NLGN4X: variants seen among roughly 807,000 people sequenced by gnomAD.
NLGN4X encodes the protein neuroligin-4, X-linked.
In NLGN4X, 3 loss-of-function variants were observed where a neutral mutation model predicts 40.3. That is an observed-to-expected ratio of 0.07 (90% CI 0.03 to 0.19). NLGN4X has a LOEUF of 0.19. NLGN4X is among the 10% of genes least tolerant of loss of function. The pLI, the probability that NLGN4X is intolerant of heterozygous loss-of-function variation, is 1.00. For missense variants in NLGN4X, 382 were observed against 708.3 expected, an observed-to-expected ratio of 0.54 and a Z score of 5.23; for synonymous variants, 270 against 306.8, an observed-to-expected ratio of 0.88 and a Z score of 1.25.
chrX:5,980,109 G>A (rs1433034843), intron 3 of NLGN4X, among the ~76,000 whole-genome samples: 3 of 105,597 alleles, frequency 2.8e-5, no homozygotes, highest in African/African-American at 1.0e-4. Flanking sequence ...TTTATATATA[G>A]TATACAATAC....
intron 2 of NLGN4X, among the ~76,000 whole-genome samples, chrX:6,089,902 T>C (rs11796302): frequency 0.48 from 52,719 of 110,418 alleles, 9,157 homozygotes; most frequent in Admixed American, 0.52. Context: ...CTATGTGAAA[T>C]GAAAAAGATA....
At chrX:6,021,039 T>C (rs866984432) in intron 3 of NLGN4X, among the ~76,000 whole-genome samples, 15 of 30,664 alleles carry the variant, frequency 4.9e-4, no homozygotes, top group Non-Finnish European at 6.3e-4. Flanking sequence ...TCTCTCTCTC[T>C]CTCTCTCTCC....
intron 2 of NLGN4X, among the ~76,000 whole-genome samples, chrX:6,121,179 C>CACAT (rs560379115): frequency 2.2e-5 from 2 of 89,353 alleles, no homozygotes; most frequent in African/African-American, 8.1e-5. Flanking sequence ...CACACACACA[C>CACAT]ATATATATCG....
Position 5,893,015 on chromosome X carries a change from T to C in NLGN4X, c.2253A>G (p.Thr751=), listed in dbSNP as rs1300662045. The part of the protein sequence containing the change: ...HECESLQAHD[T]LRLTCPPDYT... ...AGTCTGGCGGGCAGGTGAGCCTCAG[T>C]GTGTCGTGTGCCTGCAGCGACTCAC... The change falls in exon 6 of 6, where the codon ACA becomes ACG. Residue 751 remains threonine (T), a synonymous_variant. Coordinates refer to ENST00000381095, the MANE Select transcript of NLGN4X (RefSeq NM_181332.3). The C allele has an allele frequency of 1.7e-6, 2 of 1,211,211 alleles. No homozygotes were observed. The highest frequency in any genetic ancestry group is 2.2e-5 in the Admixed American group (1 of 45,969).
At chrX:5,924,095 A>G in intron 3 of NLGN4X, among the ~76,000 whole-genome samples, 1 of 111,766 alleles carries the variant, frequency 8.9e-6, no homozygotes, top group East Asian at 2.8e-4. Context: ...GATGGAAAAC[A>G]GAATGCATTT....
At chrX:5,963,278 T>C (rs895429286) in intron 3 of NLGN4X, among the ~76,000 whole-genome samples, 1 of 111,192 alleles carries the variant, frequency 9.0e-6, no homozygotes, top group Non-Finnish European at 1.9e-5. Context: ...TTATGAGCTG[T>C]CAGAGGCAAA....
chrX:6,151,630 C>A lies in NLGN4X; in HGVS notation c.-164G>T, dbSNP rs115435708. On this transcript the variant is annotated 5_prime_UTR_variant, in exon 2 of 6. Coordinates refer to ENST00000381095, the MANE Select transcript of NLGN4X (RefSeq NM_181332.3). ...CAGAGCCTGAGGTTAAGAACAAGCA[C>A]AGCCGTTTTCTTGGCAGCCCATTGC... is the stretch of plus-strand genomic sequence containing the variant. 509 of 478,826 alleles carry A rather than the reference C, an allele frequency of 1.1e-3. 3 individuals are homozygous for A. In the African/African-American group the frequency reaches 0.011, roughly 10 times the overall value. 39.5% of individuals were successfully genotyped at this position (478,826 alleles called of 1,213,427 possible). A position where few individuals can be genotyped will look rare whatever the true frequency, so the allele number is the denominator to read the frequency against.
At chrX:6,021,045 TCTCCCTCCCTCC>T (rs1298400732) in intron 3 of NLGN4X, among the ~76,000 whole-genome samples, 9 of 22,992 alleles carry the variant, frequency 3.9e-4, no homozygotes, top group African/African-American at 2.8e-3. Context: ...TCTCTCTCTC[TCTCCCTCCCTCC>T]CTCCCTCCCT....
chrX:6,144,964 C>T (rs1031590344), intron 2 of NLGN4X, among the ~76,000 whole-genome samples: 1 of 111,188 alleles, frequency 9.0e-6, no homozygotes, highest in Non-Finnish European at 1.9e-5. Flanking sequence ...GGGACCATGA[C>T]TTTTCTGCCT....
chrX:6,212,839 A>G (rs138987172), intron 1 of NLGN4X, among the ~76,000 whole-genome samples: 205 of 112,048 alleles, frequency 1.8e-3, no homozygotes, highest in African/African-American at 6.3e-3. Flanking sequence ...CATCATGGCC[A>G]CAAGGAATAT....
At chrX:6,041,629 T>C (rs978257159) in intron 2 of NLGN4X, among the ~76,000 whole-genome samples, 2 of 112,639 alleles carry the variant, frequency 1.8e-5, no homozygotes, top group African/African-American at 3.2e-5. Context: ...ACAAGATGAA[T>C]TGTAATGTGT....
intron 1 of NLGN4X, chrX:6,187,128 G>A (rs1922093134): frequency 9.7e-6 from 1 of 103,262 alleles, no homozygotes; most frequent in Non-Finnish European, 2.0e-5. Flanking sequence ...AGTAGAGACG[G>A]GGTTTCACCG....
chrX:6,079,772 T>C (rs140498389), intron 2 of NLGN4X, among the ~76,000 whole-genome samples: 3,816 of 112,114 alleles, frequency 0.034, 157 homozygotes, highest in African/African-American at 0.12. Flanking sequence ...ATTGGCATCA[T>C]CCTGTGGGTC....
Position 6,152,797 on chromosome X carries a change from C to T in NLGN4X, c.-305-1026G>A, listed in dbSNP as rs181445616. Among the ~76,000 whole-genome samples, 3 of 112,688 alleles carry T rather than the reference C, an allele frequency of 2.7e-5. No homozygotes were observed. The Admixed American group carries it at 2.8e-4, about 11-fold the overall frequency. On this transcript the variant is annotated intron_variant, in intron 1 of 5. Transcript: ENST00000381095. ...AAAAGTGTTGATACAATTATCCTGACTTTCCAGTAAGCCACTGCATGCCTT... is the reference window on the plus strand; with the variant it reads ...AAAAGTGTTGATACAATTATCCTGATTTTCCAGTAAGCCACTGCATGCCTT...
At chrX:6,124,170 G>A (rs911146261) in intron 2 of NLGN4X, among the ~76,000 whole-genome samples, 21 of 110,701 alleles carry the variant, frequency 1.9e-4, no homozygotes, top group African/African-American at 6.2e-4. Context: ...AGATTAAAAA[G>A]GTGTAACTGA....
At chrX:6,180,191 T>C (rs1257196218) in intron 1 of NLGN4X, among the ~76,000 whole-genome samples, 4 of 111,981 alleles carry the variant, frequency 3.6e-5, no homozygotes, top group Non-Finnish European at 7.5e-5. Flanking sequence ...TATGAAACTA[T>C]ACCAAAATAC....
At chrX:6,056,622 G>A (rs2037638905) in intron 2 of NLGN4X, among the ~76,000 whole-genome samples, 1 of 112,455 alleles carries the variant, frequency 8.9e-6, no homozygotes, top group African/African-American at 3.2e-5. Flanking sequence ...AAATGGATAT[G>A]TGTAACATGC....
chrX:6,080,610 A>G (rs897498624), intron 2 of NLGN4X, among the ~76,000 whole-genome samples: 1 of 111,512 alleles, frequency 9.0e-6, no homozygotes, highest in Non-Finnish European at 1.9e-5. Context: ...CTTTCACACC[A>G]TAATTAGCTT....
intron 1 of NLGN4X, among the ~76,000 whole-genome samples, chrX:6,156,840 T>C (rs1048011878): frequency 5.5e-5 from 6 of 109,301 alleles, no homozygotes; most frequent in African/African-American, 1.7e-4. Flanking sequence ...CCTGCAGATA[T>C]ATCCCATGAA....
Sources: gnomAD v4.1 joint callset for allele counts (sites outside exome capture counted in the v4.1 genomes callset) on GRCh38, gnomAD v4.1.1 for gene constraint, MANE v1.5 for transcripts, NCBI Gene and HGNC (gene_info 2026-07-23, HGNC 2026-07-21) for gene names.